RBPMS: variants seen among roughly 807,000 people sequenced by gnomAD.
RBPMS encodes RNA-binding protein with multiple splicing.
In RBPMS, 7 loss-of-function variants were observed where a neutral mutation model predicts 26.8. The observed-to-expected ratio is 0.26, with a 90% CI of 0.15 to 0.49. The LOEUF (loss-of-function observed/expected upper bound fraction) is 0.49. RBPMS is among the 20% of genes least tolerant of loss of function. The pLI is 0.98. For synonymous variants in RBPMS, 96 were observed against 93.3 expected (o/e 1.03, Z -0.17); for missense variants, 186 against 250.0 (o/e 0.74, Z 1.73).
intron 1 of RBPMS, among the ~76,000 whole-genome samples, chr8:30,418,252 T>A (rs879482606): frequency 1.8e-4 from 28 of 152,152 alleles, no homozygotes; most frequent in Non-Finnish European, 3.2e-4. Context: ...ATTGTGTTTC[T>A]TTTTCTTTTT....
At position 30,446,854 on chromosome 8, in the gene RBPMS, C is replaced by CGCGCGCGCACGT. The variant is rs1554515792; in HGVS notation, c.67-27920_67-27919insCGCACGTGCGCG. 2.1e-3 allele frequency: 283 copies of CGCGCGCGCACGT among 138,032 alleles called. 6 individuals are homozygous for CGCGCGCGCACGT. Among genetic ancestry groups the CGCGCGCGCACGT allele is most frequent in the African/African-American group, 7.8e-3 (268 of 34,310 alleles). 8.6% of individuals were successfully genotyped at this position (138,032 alleles called of 1,614,324 possible). Reference sequence around the variant, plus strand: ...GTGTGTGTGTGTGTGCGCGCGCGCGCGCGCGGTGGAGGGTAGTGGGGTAGA... The same window carrying CGCGCGCGCACGT: ...GTGTGTGTGTGTGTGCGCGCGCGCGCGCGCGCGCACGTGCGCGGTGGAGGGTAGTGGGGTAGA... On this transcript the variant is annotated intron_variant, in intron 1 of 8. Transcript: ENST00000397323.
At chr8:30,453,376 TTATAAG>T (rs1162838619) in intron 1 of RBPMS, among the ~76,000 whole-genome samples, 1 of 152,226 alleles carries the variant, frequency 6.6e-6, no homozygotes, top group Non-Finnish European at 1.5e-5. Context: ...TTACAACTCT[TTATAAG>T]TAGGAAGCAC....
At chr8:30,386,551 A>G (rs1277507202) in intron 1 of RBPMS, among the ~76,000 whole-genome samples, 4 of 152,216 alleles carry the variant, frequency 2.6e-5, no homozygotes, top group Non-Finnish European at 5.9e-5. Flanking sequence ...TCTAATTACA[A>G]TTGTAGGAAT....
At chr8:30,567,926 G>A (rs1828010394) in intron 8 of RBPMS, among the ~76,000 whole-genome samples, 1 of 152,134 alleles carries the variant, frequency 6.6e-6, no homozygotes, top group Admixed American at 6.5e-5. Context: ...TTTGGAGGGG[G>A]CTTTTCTCTT....
At chr8:30,517,279 T>C (rs73670308) in intron 5 of RBPMS, among the ~76,000 whole-genome samples, 7 of 147,960 alleles carry the variant, frequency 4.7e-5, no homozygotes, top group Non-Finnish European at 8.9e-5. Flanking sequence ...TTGGAAAACA[T>C]TGGCAGAAAT....
At chr8:30,523,696 T>C (rs924880820) in intron 5 of RBPMS, among the ~76,000 whole-genome samples, 1 of 151,950 alleles carries the variant, frequency 6.6e-6, no homozygotes, top group Admixed American at 6.6e-5. Context: ...GCAAAGTCCA[T>C]AAATTGCATT....
intron 6 of RBPMS, chr8:30,556,348 G>T: frequency 1.0e-6 from 1 of 985,612 alleles, no homozygotes; most frequent in Non-Finnish European, 1.2e-6. Context: ...CGGGCTGCAC[G>T]CTCGTCCCCA....
At chr8:30,511,144 G>A (rs1042987183) in intron 5 of RBPMS, among the ~76,000 whole-genome samples, 23 of 151,022 alleles carry the variant, frequency 1.5e-4, no homozygotes, top group African/African-American at 5.4e-4. Context: ...GTGAAACCCC[G>A]CCTCTACTAA....
intron 1 of RBPMS, among the ~76,000 whole-genome samples, chr8:30,439,616 C>T (rs1256432866): frequency 6.6e-5 from 10 of 152,066 alleles, no homozygotes; most frequent in Non-Finnish European, 1.3e-4. Context: ...TCTTGCTTCC[C>T]TCTTGCTAAT....
rs1320695917 is a variant in RBPMS, at chr8:30,516,840, A to G, written c.397+12404A>G. 3.3e-5 allele frequency among the ~76,000 whole-genome samples: 5 copies of G among 151,728 alleles called. No individual in the cohort carries two copies. The East Asian group carries it at 5.9e-4, about 18-fold the overall frequency. On this transcript the variant is annotated intron_variant, in intron 5 of 8. Transcript: ENST00000397323. Reference sequence around the variant, plus strand: ...GCCCGGGAATCTAAGGCTATAGTGTATCTTGTCTGTGAATGGTCACTGCAC... The same window carrying G: ...GCCCGGGAATCTAAGGCTATAGTGTGTCTTGTCTGTGAATGGTCACTGCAC...
intron 1 of RBPMS, among the ~76,000 whole-genome samples, chr8:30,433,586 C>T (rs1812156800): frequency 6.6e-6 from 1 of 152,156 alleles, no homozygotes; most frequent in Non-Finnish European, 1.5e-5. Context: ...GTGCAAGGAT[C>T]TCTTGAGCCA....
At chr8:30,410,745 T>C (rs1357576337) in intron 1 of RBPMS, among the ~76,000 whole-genome samples, 1 of 150,986 alleles carries the variant, frequency 6.6e-6, no homozygotes, top group Non-Finnish European at 1.5e-5. Flanking sequence ...TTTGTTTTGT[T>C]TTTTTTTAGA....
chr8:30,512,811 C>T (rs530458104), intron 5 of RBPMS, among the ~76,000 whole-genome samples: 1 of 152,158 alleles, frequency 6.6e-6, no homozygotes, highest in African/African-American at 2.4e-5. Context: ...TCATCAAAAC[C>T]GCCTCCTTAA....
chr8:30,424,781 G>A (rs1392810933), intron 1 of RBPMS, among the ~76,000 whole-genome samples: 2 of 152,074 alleles, frequency 1.3e-5, no homozygotes, highest in Non-Finnish European at 2.9e-5. Context: ...CGGTAAAAGC[G>A]GTGCTCAGTG....
chr8:30,509,197 C>A (rs1008334429), intron 5 of RBPMS, among the ~76,000 whole-genome samples: 8 of 152,036 alleles, frequency 5.3e-5, no homozygotes, highest in African/African-American at 1.7e-4. Context: ...AAGTTAAATT[C>A]TCCTTCCTAC....
In RBPMS at chr8:30,517,358, C is replaced by A. The variant is rs551887054; in HGVS notation, c.397+12922C>A. Among the ~76,000 whole-genome samples, 23 of 152,156 alleles carry A rather than the reference C, an allele frequency of 1.5e-4. No homozygotes were observed. The East Asian group carries it at 4.1e-3, about 27-fold the overall frequency. ...ATCTGTGCAAACTCAGGTCCCTTAT[C>A]CTTCTTTTCATTCTGTGCTTCGTGT... is the stretch of plus-strand genomic sequence containing the variant. On this transcript the variant is annotated intron_variant, in intron 5 of 8. Coordinates refer to ENST00000397323, the MANE Select transcript of RBPMS (RefSeq NM_001008710.3).
intron 5 of RBPMS, 36 bp from the exon 6 acceptor site, chr8:30,544,458 G>A (rs774150691): frequency 6.2e-7 from 1 of 1,601,224 alleles, no homozygotes; most frequent in African/African-American, 1.3e-5. Flanking sequence ...TAGCTGTATG[G>A]TAACCACTAA....
At chr8:30,468,388 T>C (rs1022975289) in intron 1 of RBPMS, among the ~76,000 whole-genome samples, 5 of 152,118 alleles carry the variant, frequency 3.3e-5, no homozygotes, top group Admixed American at 6.6e-5. Context: ...TCTCCTTGAT[T>C]CAGATTGGTT....
intron 8 of RBPMS, among the ~76,000 whole-genome samples, chr8:30,567,696 C>G (rs1390292566): frequency 6.6e-6 from 1 of 152,190 alleles, no homozygotes; most frequent in Non-Finnish European, 1.5e-5. Flanking sequence ...AGGAGTTTTC[C>G]TGGTAGGCCA....
Sources: allele counts gnomAD v4.1 joint callset (sites outside exome capture counted in the v4.1 genomes callset), GRCh38; gene constraint gnomAD v4.1.1; transcripts MANE v1.5; gene names NCBI Gene and HGNC (gene_info 2026-07-23, HGNC 2026-07-21).